Variants in SLC2A13 observed in about 807,000 individuals in gnomAD.
SLC2A13 encodes the protein proton myo-inositol cotransporter.
SLC2A13 carries 32 observed loss-of-function variants against 64.4 expected under a neutral mutation model. The ratio of observed to expected loss-of-function variants is 0.50; its 90% CI spans 0.37 to 0.67. The LOEUF is 0.67. Among genes scored for constraint, SLC2A13 ranks in the 30% least tolerant of loss-of-function variants. SLC2A13 has a pLI of 0.00. For synonymous variants in SLC2A13, 338 were observed against 327.1 expected (o/e 1.03, Z -0.36); for missense variants, 743 against 829.2 (o/e 0.90, Z 1.28).
intron 7 of SLC2A13, among the ~76,000 whole-genome samples, chr12:39,827,268 A>G (rs1942722341): frequency 6.6e-6 from 1 of 152,128 alleles, no homozygotes; most frequent in Admixed American, 6.5e-5. Flanking sequence ...ACACTCCCTC[A>G]TAGCAAAGGC....
intron 3 of SLC2A13, among the ~76,000 whole-genome samples, chr12:39,983,008 C>T (rs1946943065): frequency 1.4e-5 from 2 of 146,026 alleles, no homozygotes; most frequent in Non-Finnish European, 3.0e-5. Context: ...GAACAGAGCC[C>T]TCAGAAATAA....
At chr12:39,901,068 G>A (rs970392523) in intron 4 of SLC2A13, among the ~76,000 whole-genome samples, 2 of 152,126 alleles carry the variant, frequency 1.3e-5, no homozygotes, top group African/African-American at 4.8e-5. Context: ...TGACAAACCT[G>A]AGAAAAACAA....
chr12:40,105,973 G>T lies in SLC2A13; in HGVS notation c.-165C>A. ...CAGCAGCCGCCGCCACGGCCGCTCC[G>T]GGGAGAAAGTTGCTGCCCGCCGCGC... is the stretch of plus-strand genomic sequence containing the variant. On this transcript the variant is annotated 5_prime_UTR_variant, in exon 1 of 10. Coordinates refer to ENST00000280871, the MANE Select transcript of SLC2A13 (RefSeq NM_052885.4). This position sits in a 1 kb window ranked among gnomAD's most constrained non-coding sequence, Gnocchi z 4.2. 1 of 859,168 alleles carries T rather than the reference G, an allele frequency of 1.2e-6. No homozygotes were observed. The highest frequency in any genetic ancestry group is 1.6e-6 in the Non-Finnish European group (1 of 633,668). 53.2% of individuals were successfully genotyped at this position (859,168 alleles called of 1,614,324 possible).
chr12:39,875,651 G>A (rs922090323), intron 4 of SLC2A13, among the ~76,000 whole-genome samples: 1 of 152,192 alleles, frequency 6.6e-6, no homozygotes, highest in Non-Finnish European at 1.5e-5. Flanking sequence ...TATTTAAAAG[G>A]TAATCAGTTC....
intron 3 of SLC2A13, among the ~76,000 whole-genome samples, chr12:39,954,462 C>T (rs1377472060): frequency 1.3e-5 from 2 of 152,088 alleles, no homozygotes; most frequent in African/African-American, 2.4e-5. Flanking sequence ...GAAAGAGCTA[C>T]TGGAAAGGGT....
intron 1 of SLC2A13, among the ~76,000 whole-genome samples, chr12:40,052,455 GAAGTT>G (rs1948274523): frequency 6.6e-6 from 1 of 152,132 alleles, no homozygotes. Context: ...TATATTGGGA[GAAGTT>G]AAGACCAAAA....
chr12:39,840,670 GCAGAAT>G (rs1172107992), intron 6 of SLC2A13, among the ~76,000 whole-genome samples: 4 of 152,026 alleles, frequency 2.6e-5, no homozygotes, highest in South Asian at 4.1e-4. Context: ...CCTGACCCCA[GCAGAAT>G]CAGAGGCATC....
chr12:39,870,898 T>G (rs1157560368), intron 5 of SLC2A13, among the ~76,000 whole-genome samples: 1 of 152,206 alleles, frequency 6.6e-6, no homozygotes, highest in Non-Finnish European at 1.5e-5. Context: ...AAATATGGGA[T>G]GAGTGACTGA....
At chr12:39,780,106 T>C (rs1170421656) in intron 7 of SLC2A13, among the ~76,000 whole-genome samples, 1 of 152,242 alleles carries the variant, frequency 6.6e-6, no homozygotes, top group African/African-American at 2.4e-5. Context: ...AACGTTTGTA[T>C]AGAGACTTAC....
At chr12:39,973,974 C>A (rs1216485587) in intron 3 of SLC2A13, among the ~76,000 whole-genome samples, 1 of 152,166 alleles carries the variant, frequency 6.6e-6, no homozygotes, top group African/African-American at 2.4e-5. Context: ...TTTTCCAGGA[C>A]CAGAGTCAGT....
chr12:40,012,020 A>T (rs1027111517), intron 3 of SLC2A13, among the ~76,000 whole-genome samples: 5 of 152,206 alleles, frequency 3.3e-5, no homozygotes, highest in Admixed American at 3.3e-4. Flanking sequence ...TCTTTCCACT[A>T]AACTGACAGT....
chr12:39,788,253 A>C (rs368740599), intron 7 of SLC2A13, among the ~76,000 whole-genome samples: 2 of 152,282 alleles, frequency 1.3e-5, no homozygotes. Context: ...TAAGAGATTA[A>C]CAATAATAAC....
intron 4 of SLC2A13, among the ~76,000 whole-genome samples, chr12:39,899,589 A>C (rs1945028986): frequency 6.6e-6 from 1 of 151,530 alleles, no homozygotes; most frequent in Non-Finnish European, 1.5e-5. Context: ...TCAATTTTGG[A>C]TCTTTCCTGC....
intron 3 of SLC2A13, among the ~76,000 whole-genome samples, chr12:39,954,437 C>A (rs28370605): frequency 0.019 from 2,955 of 152,204 alleles, 34 homozygotes; most frequent in Non-Finnish European, 0.031. Flanking sequence ...TGTGAGGAAA[C>A]AACCCAAGAC....
At chr12:39,811,998 T>A (rs903918425) in intron 7 of SLC2A13, among the ~76,000 whole-genome samples, 1 of 152,216 alleles carries the variant, frequency 6.6e-6, no homozygotes. Context: ...GGTTATCTCA[T>A]AAAAGAAACA....
chr12:40,015,859 T>G (rs1255343007), intron 3 of SLC2A13, among the ~76,000 whole-genome samples: 4 of 152,162 alleles, frequency 2.6e-5, no homozygotes, highest in African/African-American at 9.7e-5. Flanking sequence ...GAGTATAATA[T>G]AATAATGATG....
intron 4 of SLC2A13, among the ~76,000 whole-genome samples, chr12:39,885,185 G>T (rs61931258): frequency 6.6e-6 from 1 of 152,322 alleles, no homozygotes; most frequent in East Asian, 1.9e-4. Context: ...AGGATCACTG[G>T]AGGAACAGGA....
intron 4 of SLC2A13, among the ~76,000 whole-genome samples, chr12:39,912,016 G>A (rs1357906346): frequency 1.3e-5 from 2 of 151,960 alleles, no homozygotes; most frequent in Admixed American, 6.6e-5. Flanking sequence ...CTCCCATGAG[G>A]GCTGGAAGTA....
At chr12:39,793,400 A>G (rs1941473021) in intron 7 of SLC2A13, among the ~76,000 whole-genome samples, 1 of 152,110 alleles carries the variant, frequency 6.6e-6, no homozygotes, top group East Asian at 1.9e-4. Flanking sequence ...TTCATCCCAA[A>G]TTGATCTATA....
Sources: allele counts gnomAD v4.1 joint callset (sites outside exome capture counted in the v4.1 genomes callset), GRCh38; gene constraint gnomAD v4.1.1; non-coding constraint Gnocchi (gnomAD v3.1); transcripts MANE v1.5; gene names NCBI Gene and HGNC (gene_info 2026-07-23, HGNC 2026-07-21).